The following SLC7A14 variants were observed in gnomAD, a reference collection of about 807,000 sequenced individuals.
The protein encoded by SLC7A14 is solute carrier family 7 member 14, also known as gamma-aminobutyric acid transporter SLC7A14.
In SLC7A14, 37 loss-of-function variants were observed where a neutral mutation model predicts 60.2. That is an observed-to-expected ratio of 0.61 (90% CI 0.47 to 0.81). The LOEUF (loss-of-function observed/expected upper bound fraction) is 0.81, where lower values mean the gene tolerates loss of function less well. Ranked by LOEUF, SLC7A14 falls within the 30% of genes least tolerant of loss-of-function variation. The pLI is 0.00. For missense variants in SLC7A14, 886 were observed against 982.7 expected, an observed-to-expected ratio of 0.90 and a Z score of 1.32; for synonymous variants, 399 against 395.8, an observed-to-expected ratio of 1.01 and a Z score of -0.10.
intron 1 of SLC7A14, among the ~76,000 whole-genome samples, chr3:170,550,487 T>C (rs941187165): frequency 6.9e-6 from 1 of 144,118 alleles, no homozygotes; most frequent in Non-Finnish European, 1.5e-5. Context: ...TCTTTCAAAC[T>C]AAACCTAATG....
chr3:170,544,043 C>T (rs918383989), intron 1 of SLC7A14, among the ~76,000 whole-genome samples: 5 of 152,056 alleles, frequency 3.3e-5, no homozygotes, highest in Admixed American at 1.3e-4. Context: ...CCACCACACC[C>T]GGGCCTGCAT....
rs142615676 is a variant in SLC7A14, at chr3:170,539,957, G to T, written c.-152-12869C>A. The stretch of plus-strand genomic sequence containing the variant: ...AGCATCACTACTATTGTACTTTGGG[G>T]CCAGTATTAAGTAAAATAAGGATGA... On this transcript the variant is annotated intron_variant, in intron 1 of 7. Coordinates refer to ENST00000231706, the MANE Select transcript of SLC7A14 (RefSeq NM_020949.3). 1.2e-3 allele frequency among the ~76,000 whole-genome samples: 186 copies of T among 152,066 alleles called. 1 individual carries two copies. Among genetic ancestry groups the T allele is most frequent in the Non-Finnish European group, 2.4e-3 (163 of 68,020 alleles).
chr3:170,505,465 A>T (rs1229534997), intron 2 of SLC7A14, among the ~76,000 whole-genome samples: 2 of 152,220 alleles, frequency 1.3e-5, no homozygotes, highest in African/African-American at 2.4e-5. Flanking sequence ...TTTATTTTTT[A>T]AAAAATCAAG....
At chr3:170,515,993 C>G (rs1015633290) in intron 2 of SLC7A14, among the ~76,000 whole-genome samples, 1 of 152,170 alleles carries the variant, frequency 6.6e-6, no homozygotes, top group East Asian at 1.9e-4. Context: ...GTGGTCAGTC[C>G]CTCCTACAGC....
Position 170,518,064 on chromosome 3 carries a change from C to T in SLC7A14, c.304+8569G>A, listed in dbSNP as rs1409357914. ...ACAGTCATAGATTTGAGTTCTGGCA[C>T]GGCACTAAATAGTTGTGGGACTTTC... On this transcript the variant is annotated intron_variant, in intron 2 of 7. Coordinates refer to ENST00000231706, the MANE Select transcript of SLC7A14 (RefSeq NM_020949.3). Among the ~76,000 whole-genome samples the T allele has an allele frequency of 5.3e-5, 8 of 152,304 alleles. 1 individual carries two copies. The highest frequency in any genetic ancestry group is 3.9e-4 in the East Asian group (2 of 5,192).
At chr3:170,474,044 AG>A (rs1164282364) in intron 7 of SLC7A14, among the ~76,000 whole-genome samples, 1 of 152,238 alleles carries the variant, frequency 6.6e-6, no homozygotes, top group Non-Finnish European at 1.5e-5. Context: ...GAATGTTCAC[AG>A]CAGCTCTGTT....
chr3:170,493,898 G>A (rs1316998480), intron 4 of SLC7A14, among the ~76,000 whole-genome samples: 1 of 152,146 alleles, frequency 6.6e-6, no homozygotes, highest in Non-Finnish European at 1.5e-5. Context: ...ATACTTTTAG[G>A]CACATTCACT....
At chr3:170,559,169 A>G (rs1370411231) in intron 1 of SLC7A14, among the ~76,000 whole-genome samples, 1 of 152,212 alleles carries the variant, frequency 6.6e-6, no homozygotes, top group African/African-American at 2.4e-5. Context: ...TAAACAGCAC[A>G]CGTGTGTTTT....
intron 1 of SLC7A14, among the ~76,000 whole-genome samples, chr3:170,541,300 A>T (rs1327011416): frequency 6.6e-6 from 1 of 152,246 alleles, no homozygotes; most frequent in Non-Finnish European, 1.5e-5. Context: ...AATATTGTTT[A>T]AAAATAATAC....
chr3:170,541,748 T>A (rs985958055), intron 1 of SLC7A14, among the ~76,000 whole-genome samples: 3 of 152,204 alleles, frequency 2.0e-5, no homozygotes, highest in Non-Finnish European at 4.4e-5. Flanking sequence ...GGATTAGGAA[T>A]GATATCTATT....
At chr3:170,505,178 C>T (rs1430981137) in intron 2 of SLC7A14, among the ~76,000 whole-genome samples, 1 of 151,600 alleles carries the variant, frequency 6.6e-6, no homozygotes, top group East Asian at 2.0e-4. Flanking sequence ...AGACAGTTGT[C>T]TCTTGTTTGG....
chr3:170,477,360 T>G (rs954082877), intron 7 of SLC7A14, among the ~76,000 whole-genome samples: 3 of 152,234 alleles, frequency 2.0e-5, no homozygotes, highest in Non-Finnish European at 4.4e-5. Context: ...ACATTTTTAG[T>G]ATATAACCAT....
intron 7 of SLC7A14, among the ~76,000 whole-genome samples, chr3:170,477,824 G>C (rs1711674367): frequency 1.3e-5 from 2 of 152,080 alleles, no homozygotes; most frequent in Non-Finnish European, 2.9e-5. Flanking sequence ...CAATGGAATG[G>C]GCACCACACT....
At chr3:170,556,984 G>A (rs546166218) in intron 1 of SLC7A14, among the ~76,000 whole-genome samples, 92 of 152,178 alleles carry the variant, frequency 6.0e-4, no homozygotes, top group African/African-American at 1.7e-3. Flanking sequence ...AAAGTGGTGC[G>A]CATGAGGCTT....
intron 5 of SLC7A14, among the ~76,000 whole-genome samples, chr3:170,485,238 G>T (rs941112533): frequency 2.6e-5 from 4 of 152,268 alleles, no homozygotes; most frequent in Middle Eastern, 3.4e-3. Context: ...GTCTGTAAAC[G>T]ACCCTCAAGT....
At chr3:170,528,530 G>C (rs1713577291) in intron 1 of SLC7A14, among the ~76,000 whole-genome samples, 1 of 152,144 alleles carries the variant, frequency 6.6e-6, no homozygotes, top group Non-Finnish European at 1.5e-5. Flanking sequence ...AGCACTTAAT[G>C]TAGCACTTGT....
At chr3:170,493,687 A>T (rs1190256835) in intron 4 of SLC7A14, among the ~76,000 whole-genome samples, 1 of 152,244 alleles carries the variant, frequency 6.6e-6, no homozygotes, top group Non-Finnish European at 1.5e-5. Flanking sequence ...AGGCAGTGTC[A>T]GACCTTAAAA....
At chr3:170,531,901 G>A (rs1441729948) in intron 1 of SLC7A14, among the ~76,000 whole-genome samples, 1 of 152,184 alleles carries the variant, frequency 6.6e-6, no homozygotes, top group Non-Finnish European at 1.5e-5. Flanking sequence ...CAAGGATAAT[G>A]ATGATAAAAG....
At chr3:170,496,333 G>T (rs767786924) in intron 4 of SLC7A14, 1 of 1,102,140 alleles carries the variant, frequency 9.1e-7, no homozygotes, top group Non-Finnish European at 1.4e-6. Context: ...GATGACCTGC[G>T]GTGTACAAAG....
Sources: gnomAD v4.1 joint callset for allele counts (sites outside exome capture counted in the v4.1 genomes callset) on GRCh38, gnomAD v4.1.1 for gene constraint, MANE v1.5 for transcripts, NCBI Gene and HGNC (gene_info 2026-07-23, HGNC 2026-07-21) for gene names.